Variants in ITGA7 observed in about 807,000 individuals in gnomAD.
The protein encoded by ITGA7 is integrin subunit alpha 7.
A neutral mutation model predicts 131.6 loss-of-function variants in ITGA7; 84 were observed. The ratio of observed to expected loss-of-function variants is 0.64; its 90% CI spans 0.54 to 0.77. The LOEUF is 0.77. ITGA7 is among the 30% of genes least tolerant of loss of function. The probability of loss-of-function intolerance (pLI) is 0.00; values close to 1 mark genes in which losing one functional copy is unlikely to be tolerated. For synonymous variants in ITGA7, 548 were observed against 600.7 expected (o/e 0.91, Z 1.28); for missense variants, 1,399 against 1,482.9 (o/e 0.94, Z 0.93).
chr12:55,702,715 C>A, intron 3 of ITGA7, 157 bp downstream of exon 3: 1 of 699,938 alleles, frequency 1.4e-6, no homozygotes, highest in Non-Finnish European at 2.6e-6. Flanking sequence ...AGGACAAGGA[C>A]CATGTCTCAC....
chr12:55,709,830 C>G (rs1041842941), upstream of ITGA7, among the ~76,000 whole-genome samples: 1 of 152,136 alleles, frequency 6.6e-6, no homozygotes, highest in Non-Finnish European at 1.5e-5. Context: ...CTGACCTCCT[C>G]TCTCCAAATA....
At chr12:55,688,501 G>A (rs1450480653) in intron 22 of ITGA7, among the ~76,000 whole-genome samples, 1 of 152,146 alleles carries the variant, frequency 6.6e-6, no homozygotes, top group Non-Finnish European at 1.5e-5. Flanking sequence ...AAGGAGGGTG[G>A]ATCACCTGAG....
At chr12:55,705,854 A>C (rs901931638) in intron 1 of ITGA7, among the ~76,000 whole-genome samples, 1 of 152,260 alleles carries the variant, frequency 6.6e-6, no homozygotes, top group Non-Finnish European at 1.5e-5. Flanking sequence ...TCCCAGAGCT[A>C]GACTAAAAGA....
upstream of ITGA7, chr12:55,716,089 G>T: frequency 6.3e-7 from 1 of 1,585,444 alleles, no homozygotes. Flanking sequence ...TCCAGCTTCC[G>T]GAGCCGGAGG....
chr12:55,696,396 T>G lies in ITGA7; in HGVS notation c.1774A>C (p.Thr592Pro), dbSNP rs1424923663. 2.5e-6 allele frequency: 4 copies of G among 1,600,896 alleles called. No individual in the cohort carries two copies. Among genetic ancestry groups the G allele is most frequent in the Non-Finnish European group, 3.4e-6 (4 of 1,172,590 alleles). The change falls in exon 13 of 25, where the codon ACC becomes CCC. Residue 592 changes from threonine (T) to proline (P), a missense_variant. Coordinates refer to ENST00000257879, the MANE Select transcript of ITGA7 (RefSeq NM_002206.3). ...GGGGTCTGGAGACTGTAGGACAAGG[T>G]CACTACAATGGCCCGAAGCTTGTCT... is the stretch of plus-strand genomic sequence containing the variant. ...VKDKLRAIVV[T>P]LSYSLQTPRL...
Position 55,696,442 on chromosome 12 carries a change from G to A in ITGA7, c.1738-10C>T. On this transcript the variant is annotated splice_polypyrimidine_tract_variant and intron_variant, in intron 12 of 24. Coordinates refer to ENST00000257879, the MANE Select transcript of ITGA7 (RefSeq NM_002206.3). Reference sequence around the variant, plus strand: ...TGTCTTTGACATTTTCCTAGGAAGAGGAAGGTCTATTCCTCACTGGAACAA... The same window carrying A: ...TGTCTTTGACATTTTCCTAGGAAGAAGAAGGTCTATTCCTCACTGGAACAA... 6 of 1,592,782 alleles carry A rather than the reference G, an allele frequency of 3.8e-6. No individual in the cohort carries two copies. The highest frequency in any genetic ancestry group is 4.3e-6 in the Non-Finnish European group (5 of 1,167,726).
upstream of ITGA7, among the ~76,000 whole-genome samples, chr12:55,709,755 G>A (rs973614845): frequency 2.1e-5 from 3 of 146,182 alleles, no homozygotes; most frequent in East Asian, 5.9e-4. Context: ...GCTTCTGCCT[G>A]TCTCCATTCC....
intron 3 of ITGA7, among the ~76,000 whole-genome samples, chr12:55,701,737 T>C (rs1392622596): frequency 6.6e-6 from 1 of 151,934 alleles, no homozygotes; most frequent in Non-Finnish European, 1.5e-5. Flanking sequence ...TGCACCACCA[T>C]GACTGGCTAA....
intron 12 of ITGA7, 35 bp from the exon 13 acceptor site, chr12:55,696,467 A>C: frequency 6.3e-7 from 1 of 1,578,938 alleles, no homozygotes; most frequent in Non-Finnish European, 8.6e-7. Context: ...CACTGGAACA[A>C]TCCCCAGGCC....
chr12:55,690,210 G>T (rs1017948115), intron 21 of ITGA7, among the ~76,000 whole-genome samples: 1 of 152,136 alleles, frequency 6.6e-6, no homozygotes, highest in African/African-American at 2.4e-5. Flanking sequence ...GAAAATTTTC[G>T]CAACCTACTC....
chr12:55,705,365 G>C (rs1367060588), intron 1 of ITGA7, among the ~76,000 whole-genome samples: 1 of 131,634 alleles, frequency 7.6e-6, no homozygotes, highest in Admixed American at 8.0e-5. Flanking sequence ...ACTGCAGAGA[G>C]AAAAGCAAAA....
At chr12:55,716,038 A>T (rs771729952), upstream of ITGA7, 1 of 1,543,930 alleles carries the variant, frequency 6.5e-7, no homozygotes, top group East Asian at 2.4e-5. Flanking sequence ...CACGTGACAC[A>T]GCGGTCACGT....
upstream of ITGA7, chr12:55,716,330 A>G: frequency 1.3e-6 from 2 of 1,484,240 alleles, no homozygotes; most frequent in Non-Finnish European, 8.9e-7. Flanking sequence ...GGGAGAGGGA[A>G]TTTCAGAGAG....
chr12:55,701,789 C>T lies in ITGA7; in HGVS notation c.415-635G>A, dbSNP rs116553568. On this transcript the variant is annotated intron_variant, in intron 3 of 24. Transcript: ENST00000257879. ...ATAAAGATGAGGTCCCACTATGTTG[C>T]ACAGGCTAGGTATTACCTATTATTA... 3.1e-3 allele frequency among the ~76,000 whole-genome samples: 467 copies of T among 152,218 alleles called. 2 individuals carry two copies. Among genetic ancestry groups the T allele is most frequent in the African/African-American group, 0.011 (440 of 41,524 alleles).
At chr12:55,689,954 C>T (rs1871072665) in intron 21 of ITGA7, among the ~76,000 whole-genome samples, 1 of 152,144 alleles carries the variant, frequency 6.6e-6, no homozygotes, top group South Asian at 2.1e-4. Flanking sequence ...TTCCTAACAC[C>T]TTATACAAAA....
intron 4 of ITGA7, chr12:55,700,226 G>A: frequency 3.2e-6 from 5 of 1,584,538 alleles, no homozygotes; most frequent in East Asian, 2.2e-5. Context: ...AGGAGCAGAG[G>A]GTTAGAGCAG....
In ITGA7 at chr12:55,685,232, C is replaced by G; in HGVS notation, c.3240G>C (p.Ala1080=). The change falls in exon 25 of 25, where the codon GCG becomes GCC. Residue 1080 remains alanine (A), a synonymous_variant. Coordinates refer to ENST00000257879, the MANE Select transcript of ITGA7 (RefSeq NM_002206.3). ...HPEATVPQYH[A]VKIPREDRQQ... is the part of the protein sequence containing the mutation. The stretch of plus-strand genomic sequence containing the variant: ...GTCGGTCTTCCCGAGGAATCTTCAC[C>G]GCATGGTACTGGGGCACGGTGGCCT... 6.2e-7 allele frequency: 1 copy of G among 1,614,212 alleles called. No individual in the cohort carries two copies. The highest frequency in any genetic ancestry group is 8.5e-7 in the Non-Finnish European group (1 of 1,180,032).
In ITGA7 at chr12:55,700,008, G is replaced by A. The variant is rs1293685797; in HGVS notation, c.671-19C>T. On this transcript the variant is annotated intron_variant, in intron 4 of 24. Coordinates refer to ENST00000257879, the MANE Select transcript of ITGA7 (RefSeq NM_002206.3). Reference sequence around the variant, plus strand: ...AGCAACCCTGTGGGGGGTGGGGTGAGACACCAGGGAGGGGACATCCAGAGT... The same window carrying A: ...AGCAACCCTGTGGGGGGTGGGGTGAAACACCAGGGAGGGGACATCCAGAGT... 1 of 1,613,736 alleles carries A rather than the reference G, an allele frequency of 6.2e-7. No homozygotes were observed. Among genetic ancestry groups the A allele is most frequent in the African/African-American group, 1.3e-5 (1 of 74,990 alleles).
In ITGA7 at chr12:55,692,898, G is replaced by T; in HGVS notation, c.2790C>A (p.Pro930=). 1 of 1,614,102 alleles carries T rather than the reference G, an allele frequency of 6.2e-7. No individual in the cohort carries two copies. The highest frequency in any genetic ancestry group is 8.5e-7 in the Non-Finnish European group (1 of 1,180,022). The change falls in exon 21 of 25, where the codon CCC becomes CCA. Residue 930 remains proline (P), a synonymous_variant. Transcript: ENST00000257879. ...AGGACACTGGCCACCAGGACATGCTGGGCTCCTGCCGCTCACCAGGCTCCT... is the reference window on the plus strand; with the variant it reads ...AGGACACTGGCCACCAGGACATGCTTGGCTCCTGCCGCTCACCAGGCTCCT... ...EQQEPGERQE[P]SMSWWPVSSA...
Sources: allele counts gnomAD v4.1 joint callset (sites outside exome capture counted in the v4.1 genomes callset), GRCh38; gene constraint gnomAD v4.1.1; transcripts MANE v1.5; gene names NCBI Gene and HGNC (gene_info 2026-07-23, HGNC 2026-07-21).